Variants in CCNJL observed in about 807,000 individuals in gnomAD.
CCNJL encodes cyclin-J-like protein.
A neutral mutation model predicts 33.4 loss-of-function variants in CCNJL; 33 were observed. The observed-to-expected ratio is 0.99, with a 90% CI of 0.75 to 1.32. The LOEUF (loss-of-function observed/expected upper bound fraction) is 1.32, where lower values mean the gene tolerates loss of function less well. CCNJL is among the 40% of genes most tolerant of loss of function. The probability of loss-of-function intolerance (pLI) is 0.00; values close to 1 mark genes in which losing one functional copy is unlikely to be tolerated. For missense variants in CCNJL, 512 were observed against 499.7 expected (o/e 1.02, Z -0.23); for synonymous variants, 227 against 220.9 (o/e 1.03, Z -0.24).
At chr5:160,317,111 T>C (rs1458268161), upstream of CCNJL, among the ~76,000 whole-genome samples, 1 of 152,204 alleles carries the variant, frequency 6.6e-6, no homozygotes, top group Non-Finnish European at 1.5e-5. Flanking sequence ...CACTTTGATC[T>C]TTAACCAAAA....
intron 3 of CCNJL, among the ~76,000 whole-genome samples, chr5:160,272,481 T>A (rs150682977): frequency 1.0e-3 from 159 of 152,102 alleles, no homozygotes; most frequent in African/African-American, 3.3e-3. Context: ...GCTTCCTGGA[T>A]AGGGAAAGGC....
chr5:160,292,365 T>C (rs914948122), intron 2 of CCNJL, among the ~76,000 whole-genome samples: 3 of 152,232 alleles, frequency 2.0e-5, no homozygotes, highest in Non-Finnish European at 2.9e-5. Context: ...CTCATGCCTA[T>C]AATTCCAGCA....
chr5:160,293,001 T>C (rs1220645487), intron 2 of CCNJL, among the ~76,000 whole-genome samples: 2 of 152,206 alleles, frequency 1.3e-5, no homozygotes, highest in African/African-American at 4.8e-5. Context: ...GATCACCCAG[T>C]TAATAAATGG....
intron 2 of CCNJL, among the ~76,000 whole-genome samples, chr5:160,306,696 G>A (rs1199084277): frequency 6.6e-6 from 1 of 152,184 alleles, no homozygotes; most frequent in African/African-American, 2.4e-5. Flanking sequence ...ATTGGAGAGG[G>A]AAGACTATGT....
In CCNJL at chr5:160,252,104, G is replaced by C. The variant is rs139894583; in HGVS notation, c.*1274C>G. 6 of 152,824 alleles carry C rather than the reference G, an allele frequency of 3.9e-5. No individual in the cohort carries two copies. Among genetic ancestry groups the C allele is most frequent in the African/African-American group, 1.4e-4 (6 of 41,570 alleles). The allele number at this position is 152,824 out of a possible 1,614,324, so 9.5% of individuals were successfully genotyped here. A position where few individuals can be genotyped will look rare whatever the true frequency, so the allele number is the denominator to read the frequency against. Reference sequence around the variant, plus strand: ...TTTGCACCTCCCAGTTCTGCTGGGTGAACAATGTGTCCCCCAACCCCAAAC... The same window carrying C: ...TTTGCACCTCCCAGTTCTGCTGGGTCAACAATGTGTCCCCCAACCCCAAAC... On this transcript the variant is annotated 3_prime_UTR_variant, in exon 6 of 6. Coordinates refer to ENST00000257536, the MANE Select transcript of CCNJL (RefSeq NM_001308173.3).
chr5:160,295,835 T>C (rs1762735127), intron 2 of CCNJL, among the ~76,000 whole-genome samples: 1 of 152,198 alleles, frequency 6.6e-6, no homozygotes, highest in South Asian at 2.1e-4. Flanking sequence ...TCTCCACAAC[T>C]GTGAGAGAAT....
In CCNJL at chr5:160,298,445, A is replaced by G. The variant is rs552338146; in HGVS notation, c.66+13413T>C. ...ACAGACTTCAGTCAGATAAGGTGTC[A>G]GTGATGAGCAAATCCTGATGGAGGG... On this transcript the variant is annotated intron_variant, in intron 2 of 5. Coordinates refer to ENST00000257536, the MANE Select transcript of CCNJL (RefSeq NM_001308173.3). Among the ~76,000 whole-genome samples the G allele has an allele frequency of 2.0e-5, 3 of 152,310 alleles. No homozygotes were observed. The East Asian group carries it at 5.8e-4, about 29-fold the overall frequency.
At chr5:160,265,336 C>T (rs532732829) in intron 3 of CCNJL, among the ~76,000 whole-genome samples, 1 of 152,308 alleles carries the variant, frequency 6.6e-6, no homozygotes, top group Non-Finnish European at 1.5e-5. Flanking sequence ...TACTTTTCTT[C>T]CCTAAAGAAA....
chr5:160,294,380 T>C (rs1482587275), intron 2 of CCNJL, among the ~76,000 whole-genome samples: 1 of 152,192 alleles, frequency 6.6e-6, no homozygotes, highest in African/African-American at 2.4e-5. Flanking sequence ...TGTAGCTTCC[T>C]TCCAGCAGAG....
chr5:160,262,611 G>A (rs1239859548), intron 3 of CCNJL, among the ~76,000 whole-genome samples: 1 of 152,226 alleles, frequency 6.6e-6, no homozygotes, highest in Non-Finnish European at 1.5e-5. Flanking sequence ...TGTGCTTCGA[G>A]CTGGTCATGC....
chr5:160,315,091 G>A (rs1763364026), upstream of CCNJL, among the ~76,000 whole-genome samples: 1 of 152,084 alleles, frequency 6.6e-6, no homozygotes, highest in Non-Finnish European at 1.5e-5. Context: ...ATTAGAACAG[G>A]GAACTGGTTT....
At chr5:160,308,242 G>A (rs1156919072) in intron 2 of CCNJL, among the ~76,000 whole-genome samples, 1 of 152,172 alleles carries the variant, frequency 6.6e-6, no homozygotes, top group Non-Finnish European at 1.5e-5. Flanking sequence ...ACCTCACACT[G>A]TTCTTAAGTT....
chr5:160,261,699 G>A (rs1344828821), intron 3 of CCNJL, among the ~76,000 whole-genome samples: 1 of 152,006 alleles, frequency 6.6e-6, no homozygotes, highest in Non-Finnish European at 1.5e-5. Context: ...GGCTGGGAAT[G>A]CTCTTCCCCT....
intron 1 of CCNJL, among the ~76,000 whole-genome samples, chr5:160,333,635 G>T (rs968238796): frequency 6.6e-6 from 1 of 151,274 alleles, no homozygotes; most frequent in Non-Finnish European, 1.5e-5. Context: ...CTAGCTAAGA[G>T]AACAAGCTTC....
intron 3 of CCNJL, among the ~76,000 whole-genome samples, chr5:160,262,423 G>A (rs182103935): frequency 2.8e-3 from 428 of 152,330 alleles, no homozygotes; most frequent in African/African-American, 9.8e-3. Context: ...GAACGCACAC[G>A]GCAGGCCACA....
chr5:160,278,590 G>A lies in CCNJL; in HGVS notation c.280+1935C>T, dbSNP rs372388283. On this transcript the variant is annotated intron_variant, in intron 3 of 5. Transcript: ENST00000257536. ...CCGAGGCTGTGCTGCCCTCAGACAC[G>A]TGGGTGGGGGCGTCTGCCTCTCTGT... Among the ~76,000 whole-genome samples the A allele has an allele frequency of 4.6e-5, 7 of 152,310 alleles. No homozygotes were observed. The East Asian group carries it at 9.6e-4, about 21-fold the overall frequency.
rs1358799133 is a variant in CCNJL, at chr5:160,249,789, T to TAA, written c.*3587_*3588dup. The TAA allele has an allele frequency of 7.3e-6, 1 of 136,986 alleles. No individual in the cohort carries two copies. The highest frequency in any genetic ancestry group is 1.7e-5 in the Non-Finnish European group (1 of 59,178). The allele number at this position is 136,986 out of a possible 1,614,324, so 8.5% of individuals were successfully genotyped here. A position where few individuals can be genotyped will look rare whatever the true frequency, so the allele number is the denominator to read the frequency against. ...AAAAATAAATAAATAAATAAATAAA[T>TAA]AAATAAATAAATAAATAAAATAAAA... On this transcript the variant is annotated 3_prime_UTR_variant, in exon 6 of 6. Transcript: ENST00000257536.
chr5:160,264,892 A>G (rs970237593), intron 3 of CCNJL, among the ~76,000 whole-genome samples: 2 of 152,214 alleles, frequency 1.3e-5, no homozygotes, highest in African/African-American at 2.4e-5. Context: ...AGAAGCAGTT[A>G]TTTTTAATTG....
intron 2 of CCNJL, among the ~76,000 whole-genome samples, chr5:160,286,507 G>A (rs1762411478): frequency 1.3e-5 from 2 of 152,068 alleles, no homozygotes; most frequent in Admixed American, 6.6e-5. Context: ...GCATGGTGGT[G>A]CACACCTGTG....
Sources: allele counts gnomAD v4.1 joint callset (sites outside exome capture counted in the v4.1 genomes callset), GRCh38; gene constraint gnomAD v4.1.1; transcripts MANE v1.5; gene names NCBI Gene and HGNC (gene_info 2026-07-23, HGNC 2026-07-21).